Variants in FOXP2 observed in about 807,000 individuals in gnomAD.
The protein encoded by FOXP2 is forkhead box protein P2.
FOXP2 carries 12 observed loss-of-function variants against 115.8 expected under a neutral mutation model. The ratio of observed to expected loss-of-function variants is 0.10; its 90% confidence interval spans 0.07 to 0.17. The LOEUF (loss-of-function observed/expected upper bound fraction) is 0.17. Among genes scored for constraint, FOXP2 ranks in the 10% least tolerant of loss-of-function variants. FOXP2 has a pLI of 1.00. For synonymous variants in FOXP2, 328 were observed against 297.7 expected (o/e 1.10, Z -1.05); for missense variants, 629 against 843.5 (o/e 0.75, Z 3.15).
chr7:114,224,978 C>T (rs1228802294), intron 1 of FOXP2, among the ~76,000 whole-genome samples: 2 of 152,184 alleles, frequency 1.3e-5, no homozygotes, highest in African/African-American at 2.4e-5. Flanking sequence ...TCCTGCCCAT[C>T]CCCCTTACTT....
chr7:114,386,018 GA>G (rs1413408675), intron 2 of FOXP2, among the ~76,000 whole-genome samples: 1 of 152,192 alleles, frequency 6.6e-6, no homozygotes, highest in Non-Finnish European at 1.5e-5. Flanking sequence ...CGATTAGGAC[GA>G]ACCCAGGCAC....
chr7:114,242,395 T>C (rs1795177218), intron 1 of FOXP2, among the ~76,000 whole-genome samples: 1 of 152,110 alleles, frequency 6.6e-6, no homozygotes, highest in Non-Finnish European at 1.5e-5. Context: ...ATTTTGTCTC[T>C]GTCATCCCCA....
intron 1 of FOXP2, among the ~76,000 whole-genome samples, chr7:114,238,429 T>C (rs2129167137): frequency 6.6e-6 from 1 of 152,320 alleles, no homozygotes; most frequent in East Asian, 1.9e-4. Context: ...AAAATATCTT[T>C]GGCTGTAATT....
At chr7:114,471,721 G>A (rs749484461) in intron 2 of FOXP2, among the ~76,000 whole-genome samples, 10 of 151,602 alleles carry the variant, frequency 6.6e-5, no homozygotes, top group East Asian at 5.8e-4. Context: ...AGGCCGAGGC[G>A]GGCGGATCAC....
chr7:114,619,273 C>A (rs1404474153), intron 3 of FOXP2, among the ~76,000 whole-genome samples: 3 of 152,098 alleles, frequency 2.0e-5, no homozygotes, highest in Non-Finnish European at 2.9e-5. Flanking sequence ...GTTATATTAT[C>A]TTCACTAATC....
At chr7:114,644,813 TG>T (rs768388259) in intron 8 of FOXP2, 24 bp downstream of exon 8, 7 of 1,445,698 alleles carry the variant, frequency 4.8e-6, no homozygotes, top group Non-Finnish European at 6.7e-6. Flanking sequence ...TTTTTTTTGG[TG>T]GGGGGCGGGG....
chr7:114,385,121 G>C (rs975598940), intron 2 of FOXP2, among the ~76,000 whole-genome samples: 2 of 151,750 alleles, frequency 1.3e-5, no homozygotes, highest in Non-Finnish European at 2.9e-5. Context: ...GGTGGGGAAC[G>C]GGTCCCACAT....
At chr7:114,442,494 G>T (rs1029237293) in intron 2 of FOXP2, among the ~76,000 whole-genome samples, 1 of 152,104 alleles carries the variant, frequency 6.6e-6, no homozygotes, top group African/African-American at 2.4e-5. Flanking sequence ...TCTCACTCCT[G>T]TTGCCCAGGC....
intron 1 of FOXP2, among the ~76,000 whole-genome samples, chr7:114,152,921 TA>T (rs1287503440): frequency 6.6e-6 from 1 of 152,176 alleles, no homozygotes; most frequent in African/African-American, 2.4e-5. Flanking sequence ...ACAACATGTC[TA>T]CTTTGGTTTG....
At chr7:114,292,105 C>A (rs1009287519) in intron 2 of FOXP2, among the ~76,000 whole-genome samples, 1 of 149,982 alleles carries the variant, frequency 6.7e-6, no homozygotes, top group East Asian at 2.0e-4. Context: ...TTAAAATAAT[C>A]ATCAGAGTGA....
chr7:114,670,296 C>A (rs1280520040), intron 16 of FOXP2, among the ~76,000 whole-genome samples: 2 of 151,756 alleles, frequency 1.3e-5, no homozygotes, highest in Non-Finnish European at 2.9e-5. Flanking sequence ...AGAAGGCAAA[C>A]CCTTAGGAGA....
Position 114,577,992 on chromosome 7 carries a change from G to C in FOXP2, c.258+43286G>C, listed in dbSNP as rs540182439. Reference sequence around the variant, plus strand: ...AAGTGTTACCAAAATGATGTCCTCAGAATTGAATAAACAAGCTTAAAAGTT... The same window carrying C: ...AAGTGTTACCAAAATGATGTCCTCACAATTGAATAAACAAGCTTAAAAGTT... On this transcript the variant is annotated intron_variant, in intron 3 of 16. Coordinates refer to ENST00000350908, the MANE Select transcript of FOXP2 (RefSeq NM_014491.4). Among the ~76,000 whole-genome samples the C allele has an allele frequency of 3.9e-5, 6 of 151,980 alleles. No homozygotes were observed. In the South Asian group the frequency reaches 1.2e-3, roughly 32 times the overall value.
intron 1 of FOXP2, among the ~76,000 whole-genome samples, chr7:114,270,869 A>G (rs1796016896): frequency 4.0e-5 from 6 of 151,280 alleles, no homozygotes; most frequent in Admixed American, 3.9e-4. Context: ...TTTGGTATCT[A>G]AAAAATCATC....
intron 2 of FOXP2, among the ~76,000 whole-genome samples, chr7:114,303,216 T>A (rs1796918271): frequency 6.6e-6 from 1 of 152,142 alleles, no homozygotes. Context: ...ACAGATAACG[T>A]GGAACTTGAA....
chr7:114,143,408 G>A (rs146934561), intron 1 of FOXP2, among the ~76,000 whole-genome samples: 7 of 151,914 alleles, frequency 4.6e-5, no homozygotes, highest in Non-Finnish European at 8.8e-5. Context: ...ATATAAATTA[G>A]CATATTAGTT....
chr7:114,144,431 G>A (rs1792307709), intron 1 of FOXP2, among the ~76,000 whole-genome samples: 1 of 152,134 alleles, frequency 6.6e-6, no homozygotes, highest in Admixed American at 6.5e-5. Flanking sequence ...ATAGTCGTTA[G>A]TATTACATTG....
intron 1 of FOXP2, among the ~76,000 whole-genome samples, chr7:114,283,849 C>T (rs558963608): frequency 6.6e-6 from 1 of 152,020 alleles, no homozygotes; most frequent in Admixed American, 6.6e-5. Flanking sequence ...GGAGTCCCAG[C>T]TACTTGTGGG....
chr7:114,690,029 A>T lies in FOXP2; in HGVS notation c.*103A>T. 1 of 1,418,700 alleles carries T rather than the reference A, an allele frequency of 7.0e-7. No individual in the cohort carries two copies. The highest frequency in any genetic ancestry group is 1.2e-5 in the South Asian group (1 of 86,044). The allele number at this position is 1,418,700 out of a possible 1,614,324, so 87.9% of individuals were successfully genotyped here. ...CAAATTTTTACTGTGACTATTTATT[A>T]AGCATGGATAAAGGAGACAGCCCTA... is the stretch of plus-strand genomic sequence containing the variant. On this transcript the variant is annotated 3_prime_UTR_variant, in exon 17 of 17. Transcript: ENST00000350908.
intron 2 of FOXP2, among the ~76,000 whole-genome samples, chr7:114,500,404 G>T (rs1022059861): frequency 4.6e-5 from 7 of 151,830 alleles, no homozygotes. Flanking sequence ...CATGGGGCTT[G>T]AAGTCTTTAC....
Sources: gnomAD v4.1 joint callset for allele counts (sites outside exome capture counted in the v4.1 genomes callset) on GRCh38, gnomAD v4.1.1 for gene constraint, MANE v1.5 for transcripts, NCBI Gene and HGNC (gene_info 2026-07-23, HGNC 2026-07-21) for gene names.